The following MAGI2 variants were observed in gnomAD, a reference collection of about 807,000 sequenced individuals.
MAGI2 encodes membrane-associated guanylate kinase, WW and PDZ domain-containing protein 2.
Under a neutral mutation model 133.3 loss-of-function variants are expected in MAGI2, and 35 were observed. The observed-to-expected ratio is 0.26, with a 90% confidence interval of 0.20 to 0.35. MAGI2 has a LOEUF of 0.35. MAGI2 is among the 10% of genes least tolerant of loss of function. The pLI, the probability that MAGI2 is intolerant of heterozygous loss-of-function variation, is 1.00. For missense variants in MAGI2, 1,636 were observed against 1,863.4 expected (o/e 0.88, Z 2.25); for synonymous variants, 729 against 710.6 (o/e 1.03, Z -0.41).
intron 2 of MAGI2, among the ~76,000 whole-genome samples, chr7:78,989,550 A>T (rs1805560870): frequency 6.6e-6 from 1 of 152,096 alleles, no homozygotes; most frequent in Non-Finnish European, 1.5e-5. Flanking sequence ...GATTGAGAAT[A>T]CAACTCTCAA....
chr7:78,020,308 C>G (rs1237907635), intron 21 of MAGI2, among the ~76,000 whole-genome samples: 2 of 152,184 alleles, frequency 1.3e-5, no homozygotes, highest in Admixed American at 6.5e-5. Context: ...ATAGACAGCT[C>G]ACTTGACAGC....
At chr7:78,606,925 A>G (rs1805877184) in intron 3 of MAGI2, among the ~76,000 whole-genome samples, 1 of 152,188 alleles carries the variant, frequency 6.6e-6, no homozygotes, top group Admixed American at 6.5e-5. Flanking sequence ...TTCTAATTTT[A>G]AATGTATATT....
chr7:79,021,409 T>C (rs901198596), intron 1 of MAGI2, among the ~76,000 whole-genome samples: 5 of 152,164 alleles, frequency 3.3e-5, no homozygotes, highest in Non-Finnish European at 7.4e-5. Context: ...GCCTGTACCC[T>C]GAAAAGTCAC....
chr7:79,372,455 G>A (rs1585743096), intron 1 of MAGI2, among the ~76,000 whole-genome samples: 1 of 152,164 alleles, frequency 6.6e-6, no homozygotes, highest in Non-Finnish European at 1.5e-5. Context: ...TAGACTTAGA[G>A]TAGAACAGAC....
At chr7:78,376,724 T>G (rs998212431) in intron 6 of MAGI2, among the ~76,000 whole-genome samples, 2 of 152,134 alleles carry the variant, frequency 1.3e-5, no homozygotes, top group Non-Finnish European at 2.9e-5. Context: ...AGAAAAGCCA[T>G]GAACTTTTGC....
intron 1 of MAGI2, among the ~76,000 whole-genome samples, chr7:79,278,847 A>AC (rs1237632365): frequency 1.3e-5 from 2 of 151,954 alleles, no homozygotes; most frequent in East Asian, 3.9e-4. Context: ...TTCTTTGAAC[A>AC]TTTTTTTTCC....
intron 1 of MAGI2, among the ~76,000 whole-genome samples, chr7:79,417,087 G>T (rs982370282): frequency 2.0e-5 from 3 of 151,992 alleles, no homozygotes; most frequent in Non-Finnish European, 4.4e-5. Flanking sequence ...AGTTAAAAAT[G>T]AATAAAGAAA....
intron 3 of MAGI2, among the ~76,000 whole-genome samples, chr7:78,565,474 T>TAAAAAAAAAAAAAAA (rs59788873): frequency 7.7e-6 from 1 of 129,230 alleles, no homozygotes. Context: ...TCTAAAACGC[T>TAAAAAAAAAAAAAAA]AAAAAAAAAA....
intron 1 of MAGI2, among the ~76,000 whole-genome samples, chr7:79,089,069 T>A (rs567006099): frequency 1.3e-5 from 2 of 152,180 alleles, no homozygotes; most frequent in Non-Finnish European, 2.9e-5. Context: ...GAATCTAATG[T>A]ATCCAGAATC....
At chr7:78,352,896 G>A (rs1791667974) in intron 7 of MAGI2, 1 of 152,058 alleles carries the variant, frequency 6.6e-6, no homozygotes, top group Non-Finnish European at 1.5e-5. Context: ...TAATTCCATG[G>A]AAAACTTCGA....
At chr7:78,147,291 A>G (rs1823395981) in intron 16 of MAGI2, among the ~76,000 whole-genome samples, 1 of 152,204 alleles carries the variant, frequency 6.6e-6, no homozygotes, top group Non-Finnish European at 1.5e-5. Flanking sequence ...GAATGGTCAA[A>G]TAAATTATGT....
rs142783067 is a variant in MAGI2, at chr7:78,090,562, A to G, written c.3568-11477T>C. On this transcript the variant is annotated intron_variant, in intron 20 of 21. Transcript: ENST00000354212. Reference sequence around the variant, plus strand: ...TGTCAACTGAGGTGCCTGGCACAAGATAAGAGCTTCATAAATATTTCTTAA... The same window carrying G: ...TGTCAACTGAGGTGCCTGGCACAAGGTAAGAGCTTCATAAATATTTCTTAA... Among the ~76,000 whole-genome samples, 815 of 152,322 alleles carry G rather than the reference A, an allele frequency of 5.4e-3. 6 individuals are homozygous for G. Among genetic ancestry groups the G allele is most frequent in the Non-Finnish European group, 6.8e-3 (461 of 68,028 alleles).
intron 2 of MAGI2, among the ~76,000 whole-genome samples, chr7:78,695,296 C>T (rs1817393996): frequency 6.6e-6 from 1 of 152,158 alleles, no homozygotes; most frequent in African/African-American, 2.4e-5. Flanking sequence ...AACACATATG[C>T]AAATAATCTT....
intron 3 of MAGI2, among the ~76,000 whole-genome samples, chr7:78,584,106 CAG>C: frequency 6.6e-6 from 1 of 152,124 alleles, no homozygotes; most frequent in East Asian, 1.9e-4. Flanking sequence ...AGTACTAGCT[CAG>C]AGCGGGAGTC....
chr7:78,458,675 C>T (rs1179879138), intron 6 of MAGI2, among the ~76,000 whole-genome samples: 4 of 148,236 alleles, frequency 2.7e-5, no homozygotes, highest in Non-Finnish European at 5.9e-5. Flanking sequence ...CACTCTGTTA[C>T]CCAGGCTGGA....
At chr7:78,876,604 A>T (rs1766330105) in intron 2 of MAGI2, among the ~76,000 whole-genome samples, 1 of 152,152 alleles carries the variant, frequency 6.6e-6, no homozygotes, top group Non-Finnish European at 1.5e-5. Context: ...AATGGAAGGG[A>T]TATGAATGTT....
intron 2 of MAGI2, among the ~76,000 whole-genome samples, chr7:78,978,767 A>C (rs557949176): frequency 6.6e-6 from 1 of 152,030 alleles, no homozygotes; most frequent in South Asian, 2.1e-4. Flanking sequence ...GTCGGGGAGC[A>C]ATGAGCTAGG....
intron 2 of MAGI2, among the ~76,000 whole-genome samples, chr7:78,886,017 A>G (rs908075840): frequency 6.6e-6 from 1 of 152,186 alleles, no homozygotes; most frequent in African/African-American, 2.4e-5. Flanking sequence ...CAAAAATACA[A>G]TTGCCTAAAA....
chr7:79,225,971 T>C (rs766254149), intron 1 of MAGI2, among the ~76,000 whole-genome samples: 1 of 152,300 alleles, frequency 6.6e-6, no homozygotes, highest in African/African-American at 2.4e-5. Context: ...TTGTATAGAA[T>C]GTCACCTGAG....
Sources: allele counts gnomAD v4.1 joint callset (sites outside exome capture counted in the v4.1 genomes callset), GRCh38; gene constraint gnomAD v4.1.1; transcripts MANE v1.5; gene names NCBI Gene and HGNC (gene_info 2026-07-23, HGNC 2026-07-21).